Variants in TBC1D9 observed in about 807,000 individuals in gnomAD.
TBC1D9 encodes TBC1 domain family member 9, also known as TBC1 domain family member 9A.
In TBC1D9, 63 loss-of-function variants were observed where a neutral mutation model predicts 132.0. The ratio of observed to expected loss-of-function variants is 0.48; its 90% CI spans 0.39 to 0.59. TBC1D9 has a LOEUF of 0.59. Ranked by LOEUF, TBC1D9 falls within the 20% of genes least tolerant of loss-of-function variation. The pLI is 0.00. For synonymous variants in TBC1D9, 610 were observed against 609.9 expected, an observed-to-expected ratio of 1.00 and a Z score of 0.00; for missense variants, 1,261 against 1,592.7, an observed-to-expected ratio of 0.79 and a Z score of 3.54.
At chr4:140,750,966 A>AT (rs1405421770) in intron 1 of TBC1D9, among the ~76,000 whole-genome samples, 1 of 151,636 alleles carries the variant, frequency 6.6e-6, no homozygotes. Flanking sequence ...AATTGAGGAT[A>AT]TTTTAAGTTA....
chr4:140,661,418 A>T (rs1292798656), intron 10 of TBC1D9, among the ~76,000 whole-genome samples: 2 of 152,236 alleles, frequency 1.3e-5, no homozygotes, highest in Non-Finnish European at 2.9e-5. Flanking sequence ...GATGCAAAGT[A>T]GCAACACTGT....
chr4:140,668,753 A>G (rs902336671), intron 9 of TBC1D9, among the ~76,000 whole-genome samples, 164 bp downstream of exon 9: 3 of 152,236 alleles, frequency 2.0e-5, no homozygotes, highest in African/African-American at 7.2e-5. Context: ...CAAAGGGAAC[A>G]ATAATTGAGG....
intron 1 of TBC1D9, among the ~76,000 whole-genome samples, chr4:140,737,902 A>G (rs1738700646): frequency 6.6e-6 from 1 of 152,198 alleles, no homozygotes; most frequent in Non-Finnish European, 1.5e-5. Flanking sequence ...ACACCTTCAC[A>G]GTTAATTCCA....
At chr4:140,662,404 C>G (rs1450456497) in intron 9 of TBC1D9, among the ~76,000 whole-genome samples, 2 of 152,192 alleles carry the variant, frequency 1.3e-5, no homozygotes, top group Non-Finnish European at 2.9e-5. Context: ...TCCTGAAGGG[C>G]TGCTTAGGAG....
At chr4:140,643,150 TC>T in intron 13 of TBC1D9, 1 of 1,439,772 alleles carries the variant, frequency 6.9e-7, no homozygotes, top group Non-Finnish European at 9.5e-7. Context: ...AGCACCTCCC[TC>T]AGCATGTGGC....
chr4:140,647,644 C>A (rs1354084196), intron 13 of TBC1D9, among the ~76,000 whole-genome samples: 1 of 152,142 alleles, frequency 6.6e-6, no homozygotes, highest in Admixed American at 6.5e-5. Flanking sequence ...AGAGCTATTT[C>A]CTCACAAGCC....
At chr4:140,702,047 G>A (rs1738078338) in intron 1 of TBC1D9, among the ~76,000 whole-genome samples, 1 of 152,196 alleles carries the variant, frequency 6.6e-6, no homozygotes, top group African/African-American at 2.4e-5. Context: ...GTTTAGAAGT[G>A]AGCTAGGGCC....
At chr4:140,654,613 A>T (rs1012802636) in intron 13 of TBC1D9, among the ~76,000 whole-genome samples, 1 of 152,216 alleles carries the variant, frequency 6.6e-6, no homozygotes, top group Non-Finnish European at 1.5e-5. Flanking sequence ...AGCAACCCAC[A>T]GATAGAAAAG....
intron 13 of TBC1D9, among the ~76,000 whole-genome samples, chr4:140,641,093 AAAAAAAAAAAAC>A (rs1440942392): frequency 2.0e-4 from 23 of 112,468 alleles, no homozygotes; most frequent in African/African-American, 8.1e-4. Context: ...TACTAAGCAA[AAAAAAAAAAAAC>A]AAAAAAAAAC....
At chr4:140,755,891 T>A (rs767455471) in intron 1 of TBC1D9, 25 bp downstream of exon 1, 215 of 1,525,236 alleles carry the variant, frequency 1.4e-4, no homozygotes, top group Non-Finnish European at 1.8e-4. Context: ...GCTCCCCTCC[T>A]GCAGGGATCG....
At chr4:140,740,418 A>C (rs1738741389) in intron 1 of TBC1D9, among the ~76,000 whole-genome samples, 1 of 152,236 alleles carries the variant, frequency 6.6e-6, no homozygotes, top group South Asian at 2.1e-4. Flanking sequence ...CCCAATTACA[A>C]TCTCATCTTC....
At position 140,633,939 on chromosome 4, in the gene TBC1D9, C is replaced by T. The variant is rs372642449; in HGVS notation, c.2746+9G>A. ...CATCCCAACTCATGCAATAGTACCA[C>T]GTCCTTACTTAGCCCAGAGACAAAC... On this transcript the variant is annotated intron_variant, in intron 16 of 20. Transcript: ENST00000442267. 23 of 1,613,460 alleles carry T rather than the reference C, an allele frequency of 1.4e-5. No homozygotes were observed. The highest frequency in any genetic ancestry group is 8.0e-5 in the African/African-American group (6 of 74,920).
chr4:140,694,777 T>C (rs1408643481), intron 2 of TBC1D9, among the ~76,000 whole-genome samples: 1 of 116,734 alleles, frequency 8.6e-6, no homozygotes, highest in Non-Finnish European at 1.6e-5. Flanking sequence ...ATAAAGTATA[T>C]TGGAGATTTT....
chr4:140,701,683 C>T, intron 1 of TBC1D9, 69 bp from the exon 2 acceptor site: 2 of 1,169,792 alleles, frequency 1.7e-6, no homozygotes, highest in East Asian at 4.8e-5. Flanking sequence ...CCAGGGGCAG[C>T]ATGAACATGC....
chr4:140,694,463 C>T (rs113187398), intron 2 of TBC1D9, among the ~76,000 whole-genome samples: 1,869 of 150,582 alleles, frequency 0.012, 31 homozygotes, highest in African/African-American at 0.043. Context: ...CCCAGCTATG[C>T]GGGAGGGTGA....
intron 1 of TBC1D9, among the ~76,000 whole-genome samples, chr4:140,709,288 A>ACC (rs1738203110): frequency 1.5e-5 from 2 of 136,234 alleles, no homozygotes; most frequent in African/African-American, 2.6e-5. Flanking sequence ...ACACACACAC[A>ACC]CCCCAATTCA....
At chr4:140,648,388 T>G (rs72947323) in intron 13 of TBC1D9, among the ~76,000 whole-genome samples, 10,357 of 148,126 alleles carry the variant, frequency 0.07, 371 homozygotes, top group Admixed American at 0.11. Context: ...TGTTGTTGTT[T>G]TTTTTTTTTT....
chr4:140,685,175 C>A (rs12645933), intron 3 of TBC1D9, among the ~76,000 whole-genome samples: 2 of 151,974 alleles, frequency 1.3e-5, no homozygotes, highest in East Asian at 1.9e-4. Context: ...TAAATCAAGA[C>A]AGAAATTTTG....
At chr4:140,743,746 C>T (rs1738795735) in intron 1 of TBC1D9, among the ~76,000 whole-genome samples, 1 of 152,158 alleles carries the variant, frequency 6.6e-6, no homozygotes, top group African/African-American at 2.4e-5. Flanking sequence ...TACATAACTA[C>T]AAAACAGGCT....
Sources: gnomAD v4.1 joint callset for allele counts (sites outside exome capture counted in the v4.1 genomes callset) on GRCh38, gnomAD v4.1.1 for gene constraint, MANE v1.5 for transcripts, NCBI Gene and HGNC (gene_info 2026-07-23, HGNC 2026-07-21) for gene names.